TBC1D5: variants seen among roughly 807,000 people sequenced by gnomAD.
TBC1D5 encodes the protein TBC1 domain family member 5, also known as TBC1 domain family, member 5.
Under a neutral mutation model 100.3 loss-of-function variants are expected in TBC1D5, and 75 were observed. That is an observed-to-expected ratio of 0.75 (90% confidence interval 0.62 to 0.91). The LOEUF is 0.91. Among genes scored for constraint, TBC1D5 ranks in the 40% least tolerant of loss-of-function variants. The pLI is 0.00. For synonymous variants in TBC1D5, 323 were observed against 325.6 expected (o/e 0.99, Z 0.09); for missense variants, 910 against 942.4 (o/e 0.97, Z 0.45).
intron 13 of TBC1D5, among the ~76,000 whole-genome samples, chr3:17,344,241 C>T (rs938299204): frequency 6.6e-6 from 1 of 151,934 alleles, no homozygotes; most frequent in African/African-American, 2.4e-5. Flanking sequence ...AATCAATGTA[C>T]AAAAATCACA....
At chr3:17,398,258 C>A (rs1270094910) in intron 8 of TBC1D5, among the ~76,000 whole-genome samples, 9 of 152,094 alleles carry the variant, frequency 5.9e-5, no homozygotes, top group Admixed American at 3.3e-4. Flanking sequence ...TAGTAACAAC[C>A]TCATTAGGTT....
intron 3 of TBC1D5, among the ~76,000 whole-genome samples, chr3:17,448,236 T>C (rs924289686): frequency 1.3e-5 from 2 of 152,232 alleles, no homozygotes; most frequent in African/African-American, 4.8e-5. Context: ...TCTCTTGCTA[T>C]TTCCTGTCCA....
chr3:17,739,877 CGCCTGTAATCCCA>C (rs1299893527), exon 1 of TBC1D5: 1 of 151,996 alleles, frequency 6.6e-6, no homozygotes, highest in African/African-American at 2.4e-5. Context: ...TGGCGGTGGG[CGCCTGTAATCCCA>C]GCTCCTGAGG....
chr3:17,277,424 C>CG (rs2149812880), intron 15 of TBC1D5, among the ~76,000 whole-genome samples: 1 of 152,244 alleles, frequency 6.6e-6, no homozygotes, highest in South Asian at 2.1e-4. Context: ...AGGTCAACTT[C>CG]ATTATAGAAT....
At chr3:17,404,667 T>C in intron 7 of TBC1D5, 27 bp downstream of exon 7, 1 of 1,571,396 alleles carries the variant, frequency 6.4e-7, no homozygotes, top group Non-Finnish European at 8.6e-7. Flanking sequence ...CAAAAGAGGT[T>C]AAGACATGAA....
chr3:17,238,042 A>G, intron 17 of TBC1D5, 121 bp downstream of exon 17: 2 of 1,379,866 alleles, frequency 1.4e-6, no homozygotes, highest in Non-Finnish European at 9.7e-7. Context: ...TATATAACAT[A>G]TTTAAAAAGT....
chr3:17,165,038 GCTGA>G (rs958220211), intron 21 of TBC1D5, among the ~76,000 whole-genome samples: 10 of 152,292 alleles, frequency 6.6e-5, no homozygotes, highest in Non-Finnish European at 2.9e-5. Context: ...CCCAGGAAGG[GCTGA>G]CTGTGTCTCA....
At chr3:17,447,558 C>T (rs1445408855) in intron 3 of TBC1D5, among the ~76,000 whole-genome samples, 1 of 152,184 alleles carries the variant, frequency 6.6e-6, no homozygotes, top group Admixed American at 6.5e-5. Context: ...CTAAAGCTCC[C>T]ACCTAATAAT....
At chr3:17,626,622 C>A (rs1163197013) in intron 1 of TBC1D5, among the ~76,000 whole-genome samples, 1 of 152,016 alleles carries the variant, frequency 6.6e-6, no homozygotes, top group African/African-American at 2.4e-5. Flanking sequence ...CACAGTAGAA[C>A]CATTGCAGAA....
intron 18 of TBC1D5, among the ~76,000 whole-genome samples, chr3:17,202,516 C>T (rs1051836035): frequency 2.0e-5 from 3 of 152,136 alleles, no homozygotes; most frequent in Admixed American, 6.5e-5. Context: ...TGTTAATAGC[C>T]GAGACAATGT....
intron 2 of TBC1D5, among the ~76,000 whole-genome samples, chr3:17,544,239 C>T (rs1256002854): frequency 6.6e-6 from 1 of 152,106 alleles, no homozygotes; most frequent in Admixed American, 6.5e-5. Flanking sequence ...ACTTTGAGAA[C>T]GACTGTTGTA....
chr3:17,253,806 A>G (rs528280392), intron 16 of TBC1D5, among the ~76,000 whole-genome samples: 16 of 152,332 alleles, frequency 1.1e-4, no homozygotes, highest in African/African-American at 3.9e-4. Flanking sequence ...GTTATTGCAT[A>G]TATCAGTATG....
intron 2 of TBC1D5, among the ~76,000 whole-genome samples, chr3:17,534,513 A>C (rs1174393518): frequency 1.3e-5 from 2 of 152,146 alleles, no homozygotes; most frequent in Non-Finnish European, 2.9e-5. Context: ...ACAGACTATC[A>C]CTTCATTATC....
intron 18 of TBC1D5, among the ~76,000 whole-genome samples, chr3:17,200,735 C>G (rs1391111241): frequency 6.6e-6 from 1 of 152,184 alleles, no homozygotes; most frequent in Non-Finnish European, 1.5e-5. Flanking sequence ...CTTTTTAAAT[C>G]CTTTGGCTAC....
chr3:17,431,548 CAT>C (rs977272438), intron 3 of TBC1D5, among the ~76,000 whole-genome samples: 6 of 151,972 alleles, frequency 3.9e-5, no homozygotes, highest in African/African-American at 1.4e-4. Context: ...CATTGTACAA[CAT>C]ATATCTATAA....
chr3:17,198,086 A>G (rs1027521629), intron 18 of TBC1D5, among the ~76,000 whole-genome samples: 1 of 152,200 alleles, frequency 6.6e-6, no homozygotes, highest in Non-Finnish European at 1.5e-5. Flanking sequence ...AGATAAATAC[A>G]TTCATGAAAA....
chr3:17,482,642 A>T (rs1006008265), intron 3 of TBC1D5, among the ~76,000 whole-genome samples: 7 of 152,262 alleles, frequency 4.6e-5, no homozygotes, highest in African/African-American at 1.4e-4. Flanking sequence ...GTTGGTCTTT[A>T]TTTGCAAACA....
At chr3:17,493,733 G>A (rs905645930) in intron 3 of TBC1D5, among the ~76,000 whole-genome samples, 2 of 152,128 alleles carry the variant, frequency 1.3e-5, no homozygotes, top group African/African-American at 4.8e-5. Context: ...TGATATTTGT[G>A]TATGCTTCCC....
At chr3:17,489,207 A>G (rs1301922226) in intron 3 of TBC1D5, among the ~76,000 whole-genome samples, 3 of 152,142 alleles carry the variant, frequency 2.0e-5, no homozygotes, top group Non-Finnish European at 4.4e-5. Flanking sequence ...CTAAGCAAGT[A>G]GTAGTTTGCC....
Sources: allele counts gnomAD v4.1 joint callset (sites outside exome capture counted in the v4.1 genomes callset), GRCh38; gene constraint gnomAD v4.1.1; transcripts MANE v1.5; gene names NCBI Gene and HGNC (gene_info 2026-07-23, HGNC 2026-07-21).